Variants in TCOF1 observed in about 807,000 individuals in gnomAD.
TCOF1 encodes the protein treacle protein.
A neutral mutation model predicts 149.0 loss-of-function variants in TCOF1; 33 were observed. The observed-to-expected ratio is 0.22, with a 90% CI of 0.17 to 0.30. The LOEUF (loss-of-function observed/expected upper bound fraction) is 0.30. Ranked by LOEUF, TCOF1 falls within the 10% of genes least tolerant of loss-of-function variation. The pLI is 1.00. For missense variants in TCOF1, 1,728 were observed against 1,840.7 expected (o/e 0.94, Z 1.12); for synonymous variants, 789 against 738.8 (o/e 1.07, Z -1.10).
intron 17 of TCOF1, among the ~76,000 whole-genome samples, chr5:150,385,847 GT>G (rs970265028): frequency 1.3e-5 from 2 of 152,138 alleles, no homozygotes; most frequent in African/African-American, 4.8e-5. Context: ...GCCAGTGCTG[GT>G]TTTGCTGCTT....
At chr5:150,357,950 C>A in intron 1 of TCOF1, 96 bp downstream of exon 1, 18 of 1,355,202 alleles carry the variant, frequency 1.3e-5, no homozygotes, top group Non-Finnish European at 1.8e-5. Context: ...CCGGCAGGCG[C>A]CCGGAGCCGG....
intron 5 of TCOF1, among the ~76,000 whole-genome samples, 168 bp downstream of exon 5, chr5:150,369,070 C>T (rs1761978980): frequency 6.6e-6 from 1 of 152,218 alleles, no homozygotes; most frequent in Admixed American, 6.5e-5. Context: ...GAGGGAGGGT[C>T]AGCTTACAGG....
chr5:150,392,124 G>A lies in TCOF1; in HGVS notation c.3465G>A (p.Gly1155=). The change falls in exon 21 of 27, where the codon GGG becomes GGA. Residue 1155 remains glycine, a synonymous_variant. Coordinates refer to ENST00000643257, the MANE Select transcript of TCOF1 (RefSeq NM_001371623.1). ...AGGACAGCAGCGACAGTTCTTCAGGGAGTGAGGAAGATGGTGAAGGGCCCC... is the reference window on the plus strand; with the variant it reads ...AGGACAGCAGCGACAGTTCTTCAGGAAGTGAGGAAGATGGTGAAGGGCCCC... ...DSEDSSDSSS[G]SEEDGEGPQG... is the part of the protein sequence containing the mutation. 1 of 1,614,280 alleles carries A rather than the reference G, an allele frequency of 6.2e-7. No homozygotes were observed. Among genetic ancestry groups the A allele is most frequent in the Non-Finnish European group, 8.5e-7 (1 of 1,180,060 alleles).
In TCOF1 at chr5:150,376,142, G is replaced by T. The variant is rs1259183757; in HGVS notation, c.1954G>T (p.Ala652Ser). 6.2e-7 allele frequency: 1 copy of T among 1,614,210 alleles called. No homozygotes were observed. The highest frequency in any genetic ancestry group is 1.7e-5 in the Admixed American group (1 of 60,036). The stretch of plus-strand genomic sequence containing the variant: ...CTGCCCAAAGAAAACCAATACCACT[G>T]CATCTGCCAAGGTCGCCCCTGTGCG... Reference protein sequence around the residue: ...KACPKKTNTTASAKVAPVRVG... With the variant: ...KACPKKTNTTSSAKVAPVRVG... The change falls in exon 13 of 27, where the codon GCA becomes TCA. Residue 652 changes from alanine to serine, a missense_variant. Coordinates refer to ENST00000643257, the MANE Select transcript of TCOF1 (RefSeq NM_001371623.1).
At chr5:150,383,218 G>A (rs1294931511) in intron 17 of TCOF1, 1 of 1,499,612 alleles carries the variant, frequency 6.7e-7, no homozygotes, top group Non-Finnish European at 8.9e-7. Context: ...TCAGAGCTGG[G>A]CTGGCAGGCC....
chr5:150,395,277 G>T lies in TCOF1; in HGVS notation c.3785-1005G>T, dbSNP rs990480008. Among the ~76,000 whole-genome samples the T allele has an allele frequency of 6.6e-5, 10 of 152,326 alleles. No homozygotes were observed. The South Asian group carries it at 1.4e-3, about 22-fold the overall frequency. The stretch of plus-strand genomic sequence containing the variant: ...AGTATCCACCTGGGCCTTCCTCCAG[G>T]CAAACACCTCCAGGACCAAACCACC... On this transcript the variant is annotated intron_variant, in intron 23 of 26. Coordinates refer to ENST00000643257, the MANE Select transcript of TCOF1 (RefSeq NM_001371623.1).
chr5:150,357,770 G>A lies in TCOF1; in HGVS notation c.24G>A (p.Arg8=). 2 of 1,549,622 alleles carry A rather than the reference G, an allele frequency of 1.3e-6. No homozygotes were observed. Among genetic ancestry groups the A allele is most frequent in the Non-Finnish European group, 1.7e-6 (2 of 1,146,560 alleles). Residue 8 remains arginine (R), a synonymous_variant, in exon 1 of 27, where the codon CGG becomes CGA. Coordinates refer to ENST00000643257, the MANE Select transcript of TCOF1 (RefSeq NM_001371623.1). ...GTATGGCCGAGGCCAGGAAGCGGCG[G>A]GAGCTACTTCCCCTGATCTACCACC... The part of the protein sequence containing the change: MAEARKR[R]ELLPLIYHHL...
At chr5:150,370,694 C>A (rs1280451352) in intron 6 of TCOF1, among the ~76,000 whole-genome samples, 1 of 152,082 alleles carries the variant, frequency 6.6e-6, no homozygotes, top group African/African-American at 2.4e-5. Flanking sequence ...AAACCAGGCA[C>A]GGTGGCTCGC....
At chr5:150,368,444 T>A (rs1761826970) in intron 4 of TCOF1, 1 of 503,748 alleles carries the variant, frequency 2.0e-6, no homozygotes, top group South Asian at 2.3e-5. Flanking sequence ...AAAGTAATTA[T>A]GAAGTAATGA....
chr5:150,384,168 G>T (rs1386136311), intron 17 of TCOF1: 1 of 1,038,764 alleles, frequency 9.6e-7, no homozygotes, highest in Non-Finnish European at 1.2e-6. Context: ...GTCAGATGCT[G>T]TTTGCACACC....
In TCOF1 at chr5:150,376,431, T is replaced by C; in HGVS notation, c.2151T>C (p.Ser717=). Residue 717 remains serine (S), a synonymous_variant, in exon 14 of 27, where the codon TCT becomes TCC. Coordinates refer to ENST00000643257, the MANE Select transcript of TCOF1 (RefSeq NM_001371623.1). ...TCCCCTTGTCATCCCAGGCAAAGTC[T>C]GTGGGGAAAGGCCTCCAGGTGAAAG... ...GLAVTVGQAK[S]VGKGLQVKAA... is the part of the protein sequence containing the mutation. 6.2e-7 allele frequency: 1 copy of C among 1,614,152 alleles called. No individual in the cohort carries two copies. Among genetic ancestry groups the C allele is most frequent in the South Asian group, 1.1e-5 (1 of 91,078 alleles).
intron 1 of TCOF1, among the ~76,000 whole-genome samples, chr5:150,358,208 G>A (rs965259002): frequency 6.6e-6 from 1 of 152,060 alleles, no homozygotes. Flanking sequence ...GGCCCCCCCT[G>A]GGGCAAGGAG....
Position 150,396,197 on chromosome 5 carries a change from T to C in TCOF1, c.3785-85T>C. Reference sequence around the variant, plus strand: ...CCATTGTAAGAAAAGATGGAGTCACTCCCTGCACCCTCTTCGCTCTTAGGT... The same window carrying C: ...CCATTGTAAGAAAAGATGGAGTCACCCCCTGCACCCTCTTCGCTCTTAGGT... On this transcript the variant is annotated intron_variant, in intron 23 of 26. Coordinates refer to ENST00000643257, the MANE Select transcript of TCOF1 (RefSeq NM_001371623.1). The C allele has an allele frequency of 2.7e-6, 4 of 1,483,762 alleles. 1 individual carries two copies. Among genetic ancestry groups the C allele is most frequent in the Middle Eastern group, 2.1e-4 (1 of 4,690 alleles). The allele number at this position is 1,483,762 out of a possible 1,614,324, so 91.9% of individuals were successfully genotyped here.
In TCOF1 at chr5:150,365,255, T is replaced by TTC. The variant is rs1224075974; in HGVS notation, c.304+1004_304+1005insCT. ...TTTTGTGGGTTTTCTTTTTCTTTCT[T>TTC]TTTTTTTTTTTTTTTTTTAATAGAG... On this transcript the variant is annotated intron_variant, in intron 3 of 26. Transcript: ENST00000643257. Among the ~76,000 whole-genome samples, 328 of 132,718 alleles carry TTC rather than the reference T, an allele frequency of 2.5e-3. 1 individual carries two copies. Among genetic ancestry groups the TTC allele is most frequent in the African/African-American group, 0.01 (318 of 31,640 alleles). The allele number at this position is 132,718 out of a possible 152,430, so 87.1% of individuals were successfully genotyped here.
intron 17 of TCOF1, among the ~76,000 whole-genome samples, chr5:150,382,569 C>A (rs1202027422): frequency 6.6e-6 from 1 of 152,224 alleles, no homozygotes; most frequent in East Asian, 1.9e-4. Context: ...CCACCCAGAT[C>A]TCTGAGTCCT....
At chr5:150,374,140 G>A (rs1763159119) in intron 7 of TCOF1, 34 bp from the exon 8 acceptor site, 2 of 1,594,010 alleles carry the variant, frequency 1.3e-6, no homozygotes, top group East Asian at 2.3e-5. Context: ...GTTTTCACAA[G>A]CAGGAGAGCA....
intron 17 of TCOF1, among the ~76,000 whole-genome samples, chr5:150,382,424 A>G (rs1287672459): frequency 6.6e-6 from 1 of 152,222 alleles, no homozygotes; most frequent in South Asian, 2.1e-4. Flanking sequence ...AATGACATGT[A>G]CAAATCTTCC....
At chr5:150,361,348 C>T (rs1760043613) in intron 2 of TCOF1, 137 bp downstream of exon 2, 1 of 930,472 alleles carries the variant, frequency 1.1e-6, no homozygotes, top group Non-Finnish European at 1.7e-6. Context: ...TCCAGAAAGC[C>T]AGCTCACATC....
chr5:150,384,253 A>G (rs904378053), intron 17 of TCOF1: 1 of 990,830 alleles, frequency 1.0e-6, no homozygotes, highest in Admixed American at 5.9e-5. Flanking sequence ...ACCACCACCA[A>G]CATCGGTAAC....
Sources: gnomAD v4.1 joint callset for allele counts (sites outside exome capture counted in the v4.1 genomes callset) on GRCh38, gnomAD v4.1.1 for gene constraint, MANE v1.5 for transcripts, NCBI Gene and HGNC (gene_info 2026-07-23, HGNC 2026-07-21) for gene names.